Variants in CNTNAP5 observed in about 807,000 individuals in gnomAD.
CNTNAP5 encodes the protein contactin associated protein family member 5.
Under a neutral mutation model 150.2 loss-of-function variants are expected in CNTNAP5, and 72 were observed. The observed-to-expected ratio is 0.48, with a 90% CI of 0.40 to 0.58. CNTNAP5 has a LOEUF of 0.58. CNTNAP5 is among the 20% of genes least tolerant of loss of function. The pLI, the probability that CNTNAP5 is intolerant of heterozygous loss-of-function variation, is 0.00. For synonymous variants in CNTNAP5, 672 were observed against 619.8 expected, an observed-to-expected ratio of 1.08 and a Z score of -1.25; for missense variants, 1,636 against 1,626.2, an observed-to-expected ratio of 1.01 and a Z score of -0.10.
At chr2:124,518,319 A>G (rs1694777524) in intron 8 of CNTNAP5, among the ~76,000 whole-genome samples, 1 of 152,216 alleles carries the variant, frequency 6.6e-6, no homozygotes, top group South Asian at 2.1e-4. Flanking sequence ...TATCAAAGTA[A>G]TAACAATTGA....
intron 4 of CNTNAP5, among the ~76,000 whole-genome samples, chr2:124,423,690 A>G (rs1250025958): frequency 2.6e-5 from 2 of 76,946 alleles, no homozygotes; most frequent in African/African-American, 5.3e-5. Context: ...TTTGAGACGG[A>G]GTCTCGCTCT....
chr2:124,317,552 C>T (rs1295159049), intron 3 of CNTNAP5, among the ~76,000 whole-genome samples: 1 of 152,072 alleles, frequency 6.6e-6, no homozygotes, highest in East Asian at 1.9e-4. Context: ...GCATTTAGAA[C>T]ATCAAACCAT....
Position 124,522,112 on chromosome 2 carries a change from G to A in CNTNAP5, c.1328-2191G>A, listed in dbSNP as rs1211095091. On this transcript the variant is annotated intron_variant, in intron 8 of 23. Coordinates refer to ENST00000682447, the MANE Select transcript of CNTNAP5 (RefSeq NM_001367498.1). Reference sequence around the variant, plus strand: ...GCTGCCCAGGTGCAAATACAGCTGGGCTCCAAGCCTGGTGCTTGTTTCTCC... The same window carrying A: ...GCTGCCCAGGTGCAAATACAGCTGGACTCCAAGCCTGGTGCTTGTTTCTCC... 3.3e-5 allele frequency among the ~76,000 whole-genome samples: 5 copies of A among 152,144 alleles called. 1 individual carries two copies. The South Asian group carries it at 8.3e-4, about 25-fold the overall frequency.
At chr2:124,705,648 T>G (rs1679621010) in intron 13 of CNTNAP5, among the ~76,000 whole-genome samples, 1 of 151,710 alleles carries the variant, frequency 6.6e-6, no homozygotes, top group African/African-American at 2.4e-5. Context: ...TGATTTATAA[T>G]AAGAAGAACA....
chr2:124,805,323 G>A (rs983243662), intron 19 of CNTNAP5, among the ~76,000 whole-genome samples: 14 of 152,110 alleles, frequency 9.2e-5, no homozygotes, highest in African/African-American at 2.7e-4. Flanking sequence ...GTGTGTGTGT[G>A]TATATAGAGA....
Position 124,914,040 on chromosome 2 carries a change from G to A in CNTNAP5, c.3728-52G>A. The A allele has an allele frequency of 2.2e-6, 3 of 1,377,198 alleles. No homozygotes were observed. In the Admixed American group the frequency reaches 5.3e-5, roughly 24 times the overall value. The allele number at this position is 1,377,198 out of a possible 1,614,324, so 85.3% of individuals were successfully genotyped here. On this transcript the variant is annotated intron_variant, in intron 23 of 23. Coordinates refer to ENST00000682447, the MANE Select transcript of CNTNAP5 (RefSeq NM_001367498.1). ...ATCTGGAGGGAATCCACTCTCCTGAGCAGATGACTCATGACGATTTCCTTC... is the reference window on the plus strand; with the variant it reads ...ATCTGGAGGGAATCCACTCTCCTGAACAGATGACTCATGACGATTTCCTTC...
intron 9 of CNTNAP5, 79 bp downstream of exon 9, chr2:124,524,531 C>A: frequency 1.4e-6 from 2 of 1,381,114 alleles, no homozygotes; most frequent in Non-Finnish European, 2.0e-6. Flanking sequence ...TATGATGGTT[C>A]TGGTTTGGTC....
Position 124,445,152 on chromosome 2 carries a change from C to T in CNTNAP5, c.734-1601C>T, listed in dbSNP as rs1028185927. ...TGGCCCAGGCTGGAGTGCAGTGGCG[C>T]GATCTCAGCTCACTGCAACCTCCGC... is the stretch of plus-strand genomic sequence containing the variant. On this transcript the variant is annotated intron_variant, in intron 5 of 23. Transcript: ENST00000682447. Among the ~76,000 whole-genome samples the T allele has an allele frequency of 8.7e-5, 13 of 149,306 alleles. No homozygotes were observed. In the East Asian group the frequency reaches 1.2e-3, roughly 14 times the overall value.
intron 21 of CNTNAP5, among the ~76,000 whole-genome samples, chr2:124,891,935 T>A (rs950787327): frequency 6.6e-6 from 1 of 152,100 alleles, no homozygotes; most frequent in African/African-American, 2.4e-5. Flanking sequence ...GCTTCACAAT[T>A]ATGGGCCCTT....
intron 3 of CNTNAP5, among the ~76,000 whole-genome samples, chr2:124,312,838 G>A (rs1050548700): frequency 6.6e-6 from 1 of 152,180 alleles, no homozygotes; most frequent in African/African-American, 2.4e-5. Context: ...CCAAAGTGCT[G>A]GGATTACAGG....
Position 124,916,964 on chromosome 2 carries a change from C to T in CNTNAP5, c.*2676C>T, listed in dbSNP as rs1401933097. Among the ~76,000 whole-genome samples, 1 of 151,978 alleles carries T rather than the reference C, an allele frequency of 6.6e-6. No individual in the cohort carries two copies. Among genetic ancestry groups the T allele is most frequent in the Non-Finnish European group, 1.5e-5 (1 of 67,968 alleles). On this transcript the variant is annotated 3_prime_UTR_variant, in exon 24 of 24. Coordinates refer to ENST00000682447, the MANE Select transcript of CNTNAP5 (RefSeq NM_001367498.1). Reference sequence around the variant, plus strand: ...ACCCTCCAAAGTAGAATGTAATTTACAATTAGAAATCGTGCTAACTCTGAC... The same window carrying T: ...ACCCTCCAAAGTAGAATGTAATTTATAATTAGAAATCGTGCTAACTCTGAC...
chr2:124,627,074 G>C (rs1369545218), intron 12 of CNTNAP5, among the ~76,000 whole-genome samples: 1 of 152,170 alleles, frequency 6.6e-6, no homozygotes, highest in Non-Finnish European at 1.5e-5. Context: ...CTTACAGAAA[G>C]AGCTCTCACC....
chr2:124,706,822 G>A (rs1383207666), intron 13 of CNTNAP5, among the ~76,000 whole-genome samples: 83 of 7,240 alleles, frequency 0.011, 6 homozygotes, highest in African/African-American at 0.036. Context: ...GGAGGAGGAG[G>A]AGGAAGAGGA....
At chr2:124,818,491 T>G (rs1682416718) in intron 19 of CNTNAP5, among the ~76,000 whole-genome samples, 2 of 152,134 alleles carry the variant, frequency 1.3e-5, no homozygotes, top group African/African-American at 4.8e-5. Flanking sequence ...ACAATTGCAC[T>G]ACTGCACTCC....
At chr2:124,385,285 A>G (rs1048353900) in intron 3 of CNTNAP5, among the ~76,000 whole-genome samples, 3 of 152,180 alleles carry the variant, frequency 2.0e-5, no homozygotes, top group Non-Finnish European at 4.4e-5. Context: ...TATTATGAAC[A>G]TAATCTAATA....
intron 3 of CNTNAP5, among the ~76,000 whole-genome samples, chr2:124,396,343 C>T (rs1049471931): frequency 1.3e-5 from 2 of 152,102 alleles, no homozygotes; most frequent in Non-Finnish European, 2.9e-5. Context: ...TCCCTGCATT[C>T]GATATGGGGC....
At chr2:124,070,335 A>G (rs1682269803) in intron 1 of CNTNAP5, among the ~76,000 whole-genome samples, 1 of 151,052 alleles carries the variant, frequency 6.6e-6, no homozygotes, top group South Asian at 2.1e-4. Context: ...CTTATCAATA[A>G]TAACATTGAA....
intron 12 of CNTNAP5, among the ~76,000 whole-genome samples, chr2:124,634,110 T>A (rs1171643626): frequency 6.6e-6 from 1 of 152,216 alleles, no homozygotes; most frequent in East Asian, 1.9e-4. Flanking sequence ...TCCTCTTTAC[T>A]TATGCAAATT....
chr2:124,513,665 A>G (rs1392634404), intron 8 of CNTNAP5, among the ~76,000 whole-genome samples: 1 of 152,204 alleles, frequency 6.6e-6, no homozygotes, highest in Non-Finnish European at 1.5e-5. Context: ...GTGATTTTTA[A>G]CAAACAGTCC....
Sources: gnomAD v4.1 joint callset for allele counts (sites outside exome capture counted in the v4.1 genomes callset) on GRCh38, gnomAD v4.1.1 for gene constraint, MANE v1.5 for transcripts, NCBI Gene and HGNC (gene_info 2026-07-23, HGNC 2026-07-21) for gene names.